PRKAG2: variants seen among roughly 807,000 people sequenced by gnomAD.
PRKAG2 encodes the protein 5'-AMP-activated protein kinase subunit gamma-2.
Under a neutral mutation model 69.6 loss-of-function variants are expected in PRKAG2, and 26 were observed. The observed-to-expected ratio is 0.37, with a 90% CI of 0.27 to 0.52. PRKAG2 has a LOEUF of 0.52. Among genes scored for constraint, PRKAG2 ranks in the 20% least tolerant of loss-of-function variants. PRKAG2 has a pLI of 0.90. For missense variants in PRKAG2, 557 were observed against 740.0 expected (o/e 0.75, Z 2.87); for synonymous variants, 293 against 285.0 (o/e 1.03, Z -0.28).
At chr7:151,562,119 C>T (rs1387236829) in intron 14 of PRKAG2, among the ~76,000 whole-genome samples, 2 of 148,750 alleles carry the variant, frequency 1.3e-5, no homozygotes, top group Non-Finnish European at 3.0e-5. Context: ...GTGGTGCATT[C>T]CTGTAATCCC....
intron 3 of PRKAG2, among the ~76,000 whole-genome samples, chr7:151,683,770 T>C (rs866036178): frequency 6.6e-6 from 1 of 152,076 alleles, no homozygotes; most frequent in Admixed American, 6.5e-5. Flanking sequence ...GGAGTACCTG[T>C]GCTGAGTAGC....
chr7:151,814,966 T>C lies in PRKAG2; in HGVS notation c.115-28425A>G. On this transcript the variant is annotated intron_variant, in intron 1 of 15. Transcript: ENST00000287878. The surrounding 1 kb of genome is among the most constrained non-coding windows in gnomAD (Gnocchi z 4.8). The stretch of plus-strand genomic sequence containing the variant: ...GGAGGGAGGCAGGAGCAGAGGCCGA[T>C]GATGCAGCAGTGGACAGCTCTGGGC... 4 of 915,022 alleles carry C rather than the reference T, an allele frequency of 4.4e-6. No individual in the cohort carries two copies. Among genetic ancestry groups the C allele is most frequent in the Non-Finnish European group, 5.7e-6 (4 of 699,674 alleles). The allele number at this position is 915,022 out of a possible 1,614,324, so 56.7% of individuals were successfully genotyped here.
chr7:151,612,797 T>C (rs1407901650), intron 5 of PRKAG2, among the ~76,000 whole-genome samples: 1 of 152,238 alleles, frequency 6.6e-6, no homozygotes, highest in Non-Finnish European at 1.5e-5. Flanking sequence ...TGCAATAACC[T>C]GAAGCTGTTA....
chr7:151,806,890 T>C (rs928418181), intron 1 of PRKAG2: 1 of 431,246 alleles, frequency 2.3e-6, no homozygotes, highest in Non-Finnish European at 4.6e-6. Context: ...CGCTTGAACC[T>C]GGGAGATGGA....
intron 1 of PRKAG2, among the ~76,000 whole-genome samples, chr7:151,811,382 G>A (rs901219383): frequency 6.6e-6 from 1 of 152,254 alleles, no homozygotes; most frequent in African/African-American, 2.4e-5. Flanking sequence ...GCCAGGGGGT[G>A]AACAGCAGAA....
intron 1 of PRKAG2, among the ~76,000 whole-genome samples, chr7:151,823,734 A>C (rs1431098421): frequency 1.3e-5 from 2 of 152,176 alleles, no homozygotes; most frequent in African/African-American, 4.8e-5. Context: ...GGCTGGGCCC[A>C]GGGATGTGGG....
At chr7:151,600,585 G>A (rs917154420) in intron 5 of PRKAG2, among the ~76,000 whole-genome samples, 18 of 152,158 alleles carry the variant, frequency 1.2e-4, no homozygotes, top group Admixed American at 9.2e-4. Flanking sequence ...TCTCCCTCCT[G>A]ATGTGGAATA....
chr7:151,814,325 G>A lies in PRKAG2; in HGVS notation c.115-27784C>T. 1.1e-6 allele frequency: 1 copy of A among 910,406 alleles called. No homozygotes were observed. The highest frequency in any genetic ancestry group is 1.4e-6 in the Non-Finnish European group (1 of 715,946). 56.4% of individuals were successfully genotyped at this position (910,406 alleles called of 1,614,324 possible). A position where few individuals can be genotyped will look rare whatever the true frequency, so the allele number is the denominator to read the frequency against. ...ATTCAGCATCAGTCTTACACACCAA[G>A]GAGACAAAGCATCGTGAGGGGGAAA... On this transcript the variant is annotated intron_variant, in intron 1 of 15. Coordinates refer to ENST00000287878, the MANE Select transcript of PRKAG2 (RefSeq NM_016203.4). This position sits in a 1 kb window ranked among gnomAD's most constrained non-coding sequence, Gnocchi z 4.8.
intron 1 of PRKAG2, among the ~76,000 whole-genome samples, chr7:151,792,510 C>T (rs1330409297): frequency 6.6e-6 from 1 of 152,202 alleles, no homozygotes; most frequent in African/African-American, 2.4e-5. Flanking sequence ...ACATCTTAGC[C>T]CTGACAGCAG....
At chr7:151,628,695 C>G (rs931633915) in intron 5 of PRKAG2, among the ~76,000 whole-genome samples, 1 of 144,338 alleles carries the variant, frequency 6.9e-6, no homozygotes, top group African/African-American at 2.6e-5. Flanking sequence ...AAGAGTGAGA[C>G]CCTGAGGGAG....
intron 3 of PRKAG2, among the ~76,000 whole-genome samples, chr7:151,698,477 C>T (rs143978913): frequency 1.2e-4 from 19 of 152,148 alleles, no homozygotes; most frequent in East Asian, 3.9e-4. Flanking sequence ...GGGCGAATGT[C>T]GTGGTGCTGT....
At chr7:151,834,773 T>C (rs1352916262) in intron 1 of PRKAG2, among the ~76,000 whole-genome samples, 5 of 152,186 alleles carry the variant, frequency 3.3e-5, no homozygotes, top group Non-Finnish European at 4.4e-5. Flanking sequence ...TCGCTGTGGG[T>C]GAGTCTCCTG....
In PRKAG2 at chr7:151,756,482, CT is replaced by C. The variant is rs1344222698; in HGVS notation, c.466+24669del. 1.3e-5 allele frequency among the ~76,000 whole-genome samples: 2 copies of C among 152,242 alleles called. No individual in the cohort carries two copies. Among genetic ancestry groups the C allele is most frequent in the African/African-American group, 4.8e-5 (2 of 41,466 alleles). On this transcript the variant is annotated intron_variant, in intron 3 of 15. Coordinates refer to ENST00000287878, the MANE Select transcript of PRKAG2 (RefSeq NM_016203.4). The surrounding 1 kb of genome is among the most constrained non-coding windows in gnomAD (Gnocchi z 4.9). ...GCCTCCAGGCGAGCGGGTACCTGCG[CT>C]GCTCTCATGCTCAATCCTCACCCCT...
intron 3 of PRKAG2, among the ~76,000 whole-genome samples, chr7:151,757,559 G>A (rs868027748): frequency 2.0e-5 from 3 of 152,136 alleles, no homozygotes; most frequent in Non-Finnish European, 4.4e-5. Flanking sequence ...ACATGACCTC[G>A]GTCATAATTG....
intron 6 of PRKAG2, among the ~76,000 whole-genome samples, chr7:151,592,141 C>A (rs948255603): frequency 2.0e-5 from 3 of 152,238 alleles, no homozygotes; most frequent in East Asian, 3.8e-4. Flanking sequence ...TCGATCCACA[C>A]CCAGACTCGG....
chr7:151,831,616 G>A (rs2079027005), intron 1 of PRKAG2, among the ~76,000 whole-genome samples: 1 of 152,304 alleles, frequency 6.6e-6, no homozygotes, highest in Admixed American at 6.5e-5. Context: ...GCAGGTTTAG[G>A]CAAACACGTG....
intron 3 of PRKAG2, among the ~76,000 whole-genome samples, chr7:151,770,797 AG>A (rs527309248): frequency 1.3e-5 from 2 of 152,310 alleles, no homozygotes; most frequent in South Asian, 4.1e-4. Flanking sequence ...CTGGAGCTGT[AG>A]GGGGGTGAGA....
intron 4 of PRKAG2, among the ~76,000 whole-genome samples, chr7:151,660,367 G>C (rs1309715452): frequency 3.3e-5 from 5 of 152,126 alleles, no homozygotes; most frequent in Admixed American, 2.0e-4. Flanking sequence ...TGGTACTAAA[G>C]TACTGTATAC....
At chr7:151,737,749 G>C (rs2073552144) in intron 3 of PRKAG2, among the ~76,000 whole-genome samples, 1 of 152,164 alleles carries the variant, frequency 6.6e-6, no homozygotes, top group Non-Finnish European at 1.5e-5. Flanking sequence ...TGGAGTTGTT[G>C]GCCCAGTCAC....
Sources: gnomAD v4.1 joint callset for allele counts (sites outside exome capture counted in the v4.1 genomes callset) on GRCh38, gnomAD v4.1.1 for gene constraint, Gnocchi (gnomAD v3.1) non-coding constraint, MANE v1.5 for transcripts, NCBI Gene and HGNC (gene_info 2026-07-23, HGNC 2026-07-21) for gene names.